Variants in LASP1 observed in about 807,000 individuals in gnomAD.
LASP1 encodes LIM and SH3 protein 1.
Under a neutral mutation model 38.6 loss-of-function variants are expected in LASP1, and 10 were observed. The ratio of observed to expected loss-of-function variants is 0.26; its 90% CI spans 0.16 to 0.44. LASP1 has a LOEUF of 0.44. Among genes scored for constraint, LASP1 ranks in the 20% least tolerant of loss-of-function variants. The pLI, the probability that LASP1 is intolerant of heterozygous loss-of-function variation, is 1.00. For missense variants in LASP1, 243 were observed against 375.7 expected (o/e 0.65, Z 2.92); for synonymous variants, 132 against 140.8 (o/e 0.94, Z 0.44).
intron 4 of LASP1, among the ~76,000 whole-genome samples, chr17:38,909,224 G>A (rs529930267): frequency 7.9e-5 from 12 of 152,212 alleles, no homozygotes; most frequent in African/African-American, 2.2e-4. Context: ...TCTATGTCCC[G>A]CTTCCTCCCC....
chr17:38,908,870 G>A (rs1162749341), intron 4 of LASP1, among the ~76,000 whole-genome samples: 1 of 152,254 alleles, frequency 6.6e-6, no homozygotes, highest in Admixed American at 6.5e-5. Context: ...GTGCCAAGGG[G>A]GAGAGGAGGC....
chr17:38,904,459 G>A (rs937132085), intron 4 of LASP1: 1 of 152,104 alleles, frequency 6.6e-6, no homozygotes, highest in Non-Finnish European at 1.5e-5. Flanking sequence ...CAGGTGTGGT[G>A]GTGCACACCT....
At chr17:38,916,222 G>A (rs1206775428) in intron 6 of LASP1, 2 of 152,350 alleles carry the variant, frequency 1.3e-5, no homozygotes, top group African/African-American at 4.8e-5. Context: ...GACACGCTGT[G>A]AAGAGAAAGA....
At position 38,920,607 on chromosome 17, in the gene LASP1, CA is replaced by C. The variant is rs1284342322; in HGVS notation, c.*1831del. On this transcript the variant is annotated 3_prime_UTR_variant, in exon 7 of 7. Coordinates refer to ENST00000318008, the MANE Select transcript of LASP1 (RefSeq NM_006148.4). ...GACCTGAAGGTATTGGCCTGTTCAACAATCAGTCATCATGGGTGTTTTTGTC... is the reference window on the plus strand; with the variant it reads ...GACCTGAAGGTATTGGCCTGTTCAACATCAGTCATCATGGGTGTTTTTGTC... 1 of 235,128 alleles carries C rather than the reference CA, an allele frequency of 4.3e-6. No homozygotes were observed. The highest frequency in any genetic ancestry group is 5.5e-5 in the Admixed American group (1 of 18,228). 14.6% of individuals were successfully genotyped at this position (235,128 alleles called of 1,614,324 possible). A position where few individuals can be genotyped will look rare whatever the true frequency, so the allele number is the denominator to read the frequency against.
At chr17:38,915,345 G>A (rs1915090538) in intron 6 of LASP1, 199 bp downstream of exon 6, 1 of 512,322 alleles carries the variant, frequency 2.0e-6, no homozygotes. Flanking sequence ...CTGCGTTCCA[G>A]CCCTGGTGTA....
rs185815493 is a variant in LASP1, at chr17:38,898,320, T to A, written c.250-92T>A. ...TCTTTCTGCTGACTCCCTGTCCCTG[T>A]CTCCTGACTGGTTGCTGCCTCAGAG... On this transcript the variant is annotated intron_variant, in intron 3 of 6. Transcript: ENST00000318008. The A allele has an allele frequency of 1.3e-3, 968 of 718,506 alleles. 12 individuals are homozygous for A. In the African/African-American group the frequency reaches 0.016, roughly 12 times the overall value. 44.5% of individuals were successfully genotyped at this position (718,506 alleles called of 1,614,324 possible). A position where few individuals can be genotyped will look rare whatever the true frequency, so the allele number is the denominator to read the frequency against.
intron 4 of LASP1, among the ~76,000 whole-genome samples, chr17:38,905,191 T>C (rs760528364): frequency 1.3e-5 from 2 of 152,158 alleles, no homozygotes; most frequent in Non-Finnish European, 1.5e-5. Context: ...TTTGTACATA[T>C]CTCCTGAGGT....
At position 38,920,126 on chromosome 17, in the gene LASP1, A is replaced by G; in HGVS notation, c.*1348A>G. The stretch of plus-strand genomic sequence containing the variant: ...TTTGCAGTGTGCAGGGTGGAAGGTA[A>G]GAGGTTGGTGTGGAGTTGGGGCTGC... On this transcript the variant is annotated 3_prime_UTR_variant, in exon 7 of 7. Coordinates refer to ENST00000318008, the MANE Select transcript of LASP1 (RefSeq NM_006148.4). 1.9e-6 allele frequency: 1 copy of G among 536,586 alleles called. No individual in the cohort carries two copies. The highest frequency in any genetic ancestry group is 3.6e-6 in the Non-Finnish European group (1 of 276,520). The allele number at this position is 536,586 out of a possible 1,614,324, so 33.2% of individuals were successfully genotyped here.
chr17:38,901,737 T>A (rs1266200775), intron 4 of LASP1, among the ~76,000 whole-genome samples: 1 of 152,140 alleles, frequency 6.6e-6, no homozygotes, highest in African/African-American at 2.4e-5. Flanking sequence ...CAGATCAGGC[T>A]GTACCTCAGA....
At chr17:38,877,823 C>T (rs1343594967) in intron 1 of LASP1, among the ~76,000 whole-genome samples, 1 of 152,176 alleles carries the variant, frequency 6.6e-6, no homozygotes. Context: ...CTGGGCTCTT[C>T]CCCCCTGTCC....
chr17:38,873,813 A>G (rs1345174272), intron 1 of LASP1: 1 of 152,252 alleles, frequency 6.6e-6, no homozygotes, highest in African/African-American at 2.4e-5. Context: ...ACCCTGGGCA[A>G]CAGGAAGGGA....
chr17:38,891,242 C>G (rs111426582), intron 3 of LASP1, among the ~76,000 whole-genome samples: 1,852 of 152,108 alleles, frequency 0.012, 41 homozygotes, highest in African/African-American at 0.041. Flanking sequence ...GGATTAGGCG[C>G]GAGAATACAT....
Position 38,872,401 on chromosome 17 carries a change from C to CAAGTGGGGGTTGCCCAGGG in LASP1, c.69+2151_69+2169dup, listed in dbSNP as rs1247811096. Among the ~76,000 whole-genome samples the CAAGTGGGGGTTGCCCAGGG allele has an allele frequency of 2.0e-5, 3 of 152,180 alleles. No individual in the cohort carries two copies. The East Asian group carries it at 5.8e-4, about 29-fold the overall frequency. On this transcript the variant is annotated intron_variant, in intron 1 of 6. Transcript: ENST00000318008. ...CTTACCCTAGCTGGAAGAGGACGTT[C>CAAGTGGGGGTTGCCCAGGG]AAGTGGGGGTTGCCCAGGGAAGTGG...
intron 4 of LASP1, among the ~76,000 whole-genome samples, chr17:38,911,978 G>C (rs961695843): frequency 6.6e-6 from 1 of 152,148 alleles, no homozygotes; most frequent in African/African-American, 2.4e-5. Context: ...AGTTTTAGTA[G>C]AGACAGGGTT....
At chr17:38,899,539 T>G (rs1914583321) in intron 4 of LASP1, among the ~76,000 whole-genome samples, 1 of 152,048 alleles carries the variant, frequency 6.6e-6, no homozygotes, top group African/African-American at 2.4e-5. Context: ...GCTGCAGTGG[T>G]GGGTCAGGTG....
At chr17:38,882,484 G>A (rs1281950035) in intron 2 of LASP1, among the ~76,000 whole-genome samples, 1 of 152,144 alleles carries the variant, frequency 6.6e-6, no homozygotes, top group Non-Finnish European at 1.5e-5. Flanking sequence ...TTGACCTCAG[G>A]TGATCCACTC....
Position 38,918,729 on chromosome 17 carries a change from G to C in LASP1, c.737G>C (p.Arg246Pro). 6.2e-7 allele frequency: 1 copy of C among 1,614,054 alleles called. No individual in the cohort carries two copies. The highest frequency in any genetic ancestry group is 8.5e-7 in the Non-Finnish European group (1 of 1,179,990). Residue 246 changes from arginine to proline, a missense_variant, in exon 7 of 7, where the codon CGC becomes CCC. Physicochemically the swap from Arg to Pro is moderately radical, Grantham distance 103. This residue lies in a region of LASP1 where 165 missense variants were observed against 210.3 expected (regional missense o/e 0.78). Transcript: ENST00000318008. This position sits in a 1 kb window ranked among gnomAD's most constrained non-coding sequence, Gnocchi z 4.4. ...GGCTGGATGTACGGGACGGTGGAGC[G>C]CACCGGCGACACGGGGATGCTGCCG... ...DDGWMYGTVE[R>P]TGDTGMLPAN... is the part of the protein sequence containing the mutation.
At chr17:38,889,422 G>A (rs886627126) in intron 2 of LASP1, among the ~76,000 whole-genome samples, 5 of 152,100 alleles carry the variant, frequency 3.3e-5, no homozygotes, top group African/African-American at 9.7e-5. Context: ...GAGCCACTGC[G>A]CCCGGCCTAA....
chr17:38,919,351 GA>G lies in LASP1; in HGVS notation c.*575del. 1 of 241,290 alleles carries G rather than the reference GA, an allele frequency of 4.1e-6. No individual in the cohort carries two copies. The highest frequency in any genetic ancestry group is 8.2e-6 in the Non-Finnish European group (1 of 122,336). The allele number at this position is 241,290 out of a possible 1,614,324, so 14.9% of individuals were successfully genotyped here. A position where few individuals can be genotyped will look rare whatever the true frequency, so the allele number is the denominator to read the frequency against. On this transcript the variant is annotated 3_prime_UTR_variant, in exon 7 of 7. Transcript: ENST00000318008. ...TCCCTCCTCAGGGGCAACAACAGGA[GA>G]ATGGGGTTCCTGCTGTGGGGCGAAT...
Sources: allele counts gnomAD v4.1 joint callset (sites outside exome capture counted in the v4.1 genomes callset), GRCh38; gene constraint gnomAD v4.1.1; regional missense constraint gnomAD v4.1.1; non-coding constraint Gnocchi (gnomAD v3.1); transcripts MANE v1.5; gene names NCBI Gene and HGNC (gene_info 2026-07-23, HGNC 2026-07-21).